The following NEURL1 variants were observed in gnomAD, a reference collection of about 807,000 sequenced individuals.
NEURL1 encodes E3 ubiquitin-protein ligase NEURL1.
In NEURL1, 26 loss-of-function variants were observed where a neutral mutation model predicts 41.2. The ratio of observed to expected loss-of-function variants is 0.63; its 90% CI spans 0.46 to 0.87. The LOEUF (loss-of-function observed/expected upper bound fraction) is 0.87, where lower values mean the gene tolerates loss of function less well. Among genes scored for constraint, NEURL1 ranks in the 40% least tolerant of loss-of-function variants. The pLI is 0.00. For synonymous variants in NEURL1, 400 were observed against 402.3 expected (o/e 0.99, Z 0.07); for missense variants, 761 against 871.1 (o/e 0.87, Z 1.59).
At chr10:103,503,498 G>A (rs1202721877) in intron 1 of NEURL1, among the ~76,000 whole-genome samples, 2 of 152,172 alleles carry the variant, frequency 1.3e-5, no homozygotes, top group Non-Finnish European at 2.9e-5. Context: ...AGTTCTCTGA[G>A]GATGAGAGTT....
intron 1 of NEURL1, among the ~76,000 whole-genome samples, chr10:103,551,802 G>A (rs1335720321): frequency 1.3e-5 from 2 of 152,174 alleles, no homozygotes; most frequent in Admixed American, 6.5e-5. Context: ...AGGCTCATAC[G>A]TCTGTGGGAA....
At chr10:103,568,614 A>G (rs1000306424) in intron 1 of NEURL1, among the ~76,000 whole-genome samples, 1 of 152,160 alleles carries the variant, frequency 6.6e-6, no homozygotes, top group African/African-American at 2.4e-5. Context: ...GAGTTTTGAC[A>G]TAGTGTACCC....
chr10:103,572,767 A>G (rs1015880700), intron 3 of NEURL1, among the ~76,000 whole-genome samples: 3 of 152,214 alleles, frequency 2.0e-5, no homozygotes, highest in Non-Finnish European at 1.5e-5. Context: ...AAATCAGGCC[A>G]TCGGCAAACT....
chr10:103,530,732 G>A (rs79039404), intron 1 of NEURL1, among the ~76,000 whole-genome samples: 10,826 of 151,714 alleles, frequency 0.071, 526 homozygotes, highest in South Asian at 0.25. Flanking sequence ...GTAGAGACGG[G>A]GTTTCACTGT....
chr10:103,529,336 A>G (rs4918020), intron 1 of NEURL1, among the ~76,000 whole-genome samples: 72,090 of 152,004 alleles, frequency 0.47, 17,662 homozygotes, highest in East Asian at 0.57. Context: ...TGTGACTGCA[A>G]ATACCTGTAT....
At chr10:103,582,271 T>G (rs1457428751) in intron 3 of NEURL1, among the ~76,000 whole-genome samples, 1 of 152,166 alleles carries the variant, frequency 6.6e-6, no homozygotes, top group Non-Finnish European at 1.5e-5. Context: ...GAGCAGGGAC[T>G]GTTCCCCAGG....
intron 1 of NEURL1, among the ~76,000 whole-genome samples, chr10:103,516,194 C>T (rs371815509): frequency 9.9e-5 from 14 of 141,208 alleles, no homozygotes; most frequent in Middle Eastern, 3.6e-3. Flanking sequence ...CACGACTGCA[C>T]TCCAGCCTGG....
intron 1 of NEURL1, among the ~76,000 whole-genome samples, chr10:103,569,627 C>A (rs2035495443): frequency 6.6e-6 from 1 of 152,250 alleles, no homozygotes; most frequent in Non-Finnish European, 1.5e-5. Context: ...GGCCATTCAG[C>A]TTCTTCCAGG....
At chr10:103,518,803 G>A (rs1369336889) in intron 1 of NEURL1, among the ~76,000 whole-genome samples, 3 of 152,198 alleles carry the variant, frequency 2.0e-5, no homozygotes, top group African/African-American at 4.8e-5. Context: ...GACCAAGGCT[G>A]AGTGGATACC....
intron 1 of NEURL1, among the ~76,000 whole-genome samples, chr10:103,548,392 G>A (rs999115979): frequency 6.6e-6 from 1 of 152,002 alleles, no homozygotes; most frequent in African/African-American, 2.4e-5. Context: ...GCACAATCTC[G>A]GCTCACTGCA....
chr10:103,523,842 T>TTGTTGATCG (rs1287646214), intron 1 of NEURL1, among the ~76,000 whole-genome samples: 1 of 152,244 alleles, frequency 6.6e-6, no homozygotes, highest in Non-Finnish European at 1.5e-5. Flanking sequence ...ATCCATTTAC[T>TTGTTGATCG]TGTTGATCGA....
At chr10:103,503,772 G>A (rs2133845305) in intron 1 of NEURL1, among the ~76,000 whole-genome samples, 1 of 146,934 alleles carries the variant, frequency 6.8e-6, no homozygotes, top group East Asian at 2.0e-4. Flanking sequence ...TAGAGCTCAT[G>A]CTGTGCTCCC....
chr10:103,541,639 A>C (rs754520628), intron 1 of NEURL1, among the ~76,000 whole-genome samples: 7 of 152,260 alleles, frequency 4.6e-5, no homozygotes, highest in Non-Finnish European at 7.4e-5. Flanking sequence ...GCCATCAGTC[A>C]AGCGTCCACC....
rs2035428637 is a variant in NEURL1, at chr10:103,566,549, A to G, written c.86-4323A>G. 6.6e-6 allele frequency among the ~76,000 whole-genome samples: 1 copy of G among 152,050 alleles called. No individual in the cohort carries two copies. The highest frequency in any genetic ancestry group is 2.4e-5 in the African/African-American group (1 of 41,396). On this transcript the variant is annotated intron_variant, in intron 1 of 5. Coordinates refer to ENST00000369780, the MANE Select transcript of NEURL1 (RefSeq NM_004210.5). This position sits in a 1 kb window ranked among gnomAD's most constrained non-coding sequence, Gnocchi z 4.2. ...TATATCAGTGGTTATGTTCCTTTTT[A>G]TTGCAGAGTAGTGATTGCATGGAGC... is the stretch of plus-strand genomic sequence containing the variant.
chr10:103,552,885 C>T (rs2035064208), intron 1 of NEURL1, among the ~76,000 whole-genome samples: 1 of 152,150 alleles, frequency 6.6e-6, no homozygotes, highest in Admixed American at 6.5e-5. Context: ...AATATAAGTG[C>T]CAAGAACAGG....
intron 4 of NEURL1, among the ~76,000 whole-genome samples, chr10:103,589,129 G>A (rs912873950): frequency 2.6e-5 from 4 of 152,148 alleles, no homozygotes; most frequent in South Asian, 2.1e-4. Context: ...GTGAGGTTGC[G>A]GGGCAGGGGA....
chr10:103,584,424 G>A (rs1276857524), intron 3 of NEURL1, 112 bp from the exon 4 acceptor site: 1 of 568,338 alleles, frequency 1.8e-6, no homozygotes, highest in Non-Finnish European at 2.7e-6. Context: ...CATCGTGTGC[G>A]CCATTAGCCA....
rs184934517 is a variant in NEURL1 at position 103,558,298 on chromosome 10, G to A, written c.86-12574G>A. Reference sequence around the variant, plus strand: ...GGACCCAGGACTCTGTATGTGTGTCGGGGGTCATCTAATTGTGTGTTTTGT... The same window carrying A: ...GGACCCAGGACTCTGTATGTGTGTCAGGGGTCATCTAATTGTGTGTTTTGT... On this transcript the variant is annotated intron_variant, in intron 1 of 5. Coordinates refer to ENST00000369780, the MANE Select transcript of NEURL1 (RefSeq NM_004210.5). The surrounding 1 kb of genome is among the most constrained non-coding windows in gnomAD (Gnocchi z 4.2). The A allele has an allele frequency of 6.2e-6, 6 of 962,374 alleles. No homozygotes were observed. The highest frequency in any genetic ancestry group is 6.2e-6 in the Non-Finnish European group (5 of 808,982). The allele number at this position is 962,374 out of a possible 1,614,324, so 59.6% of individuals were successfully genotyped here. A position where few individuals can be genotyped will look rare whatever the true frequency, so the allele number is the denominator to read the frequency against.
intron 1 of NEURL1, among the ~76,000 whole-genome samples, chr10:103,505,189 G>A (rs1245089740): frequency 1.3e-5 from 2 of 151,146 alleles, no homozygotes; most frequent in African/African-American, 4.9e-5. Flanking sequence ...GAGTAGCTGG[G>A]TCTACAGGCA....
Sources: gnomAD v4.1 joint callset for allele counts (sites outside exome capture counted in the v4.1 genomes callset) on GRCh38, gnomAD v4.1.1 for gene constraint, Gnocchi (gnomAD v3.1) non-coding constraint, MANE v1.5 for transcripts, NCBI Gene and HGNC (gene_info 2026-07-23, HGNC 2026-07-21) for gene names.